TOP6BL: variants seen among roughly 807,000 people sequenced by gnomAD.
TOP6BL encodes TOP6B like initiator of meiotic double strand breaks, also known as type 2 DNA topoisomerase 6 subunit B-like.
chr11:66,747,525 T>G, the TOP6BL span, among the ~76,000 whole-genome samples: 24 of 149,426 alleles, frequency 1.6e-4, no homozygotes, highest in Non-Finnish European at 1.0e-4. Context: ...ACGTACCTTA[T>G]TTGTTTACTT....
chr11:66,752,142 C>CTT, the TOP6BL span, among the ~76,000 whole-genome samples: 164 of 137,890 alleles, frequency 1.2e-3, no homozygotes, highest in African/African-American at 3.6e-3. Flanking sequence ...CCCTCTCTCT[C>CTT]TTTTTTTTTT....
At chr11:66,833,890 G>A in the TOP6BL span, among the ~76,000 whole-genome samples, 1 of 151,970 alleles carries the variant, frequency 6.6e-6, no homozygotes, top group African/African-American at 2.4e-5. Context: ...GGAGGTTGCA[G>A]TGAGCCAAGA....
the TOP6BL span, chr11:66,843,335 G>T: frequency 6.7e-7 from 1 of 1,490,252 alleles, no homozygotes; most frequent in South Asian, 1.3e-5. Flanking sequence ...GTCCTCTTCC[G>T]CGTCTGCTTC....
the TOP6BL span, among the ~76,000 whole-genome samples, chr11:66,823,210 C>G: frequency 4.0e-5 from 6 of 148,290 alleles, no homozygotes; most frequent in African/African-American, 1.5e-4. Flanking sequence ...AGGAGAATTG[C>G]TGGAACCCAG....
At chr11:66,790,728 G>T in the TOP6BL span, among the ~76,000 whole-genome samples, 1 of 152,198 alleles carries the variant, frequency 6.6e-6, no homozygotes, top group Admixed American at 6.5e-5. Flanking sequence ...GTTCCAAGCC[G>T]TGGCCATGGA....
chr11:66,825,214 CCTGTA>C, the TOP6BL span, among the ~76,000 whole-genome samples: 1 of 151,024 alleles, frequency 6.6e-6, no homozygotes, highest in East Asian at 2.0e-4. Context: ...GTGGCTCATG[CCTGTA>C]AGTAATGTCA....
At chr11:66,768,974 G>T in the TOP6BL span, among the ~76,000 whole-genome samples, 1 of 152,158 alleles carries the variant, frequency 6.6e-6, no homozygotes, top group African/African-American at 2.4e-5. Flanking sequence ...TACCTGGCTG[G>T]CTTAAAATGC....
chr11:66,784,758 A>G, the TOP6BL span, among the ~76,000 whole-genome samples: 1 of 152,140 alleles, frequency 6.6e-6, no homozygotes, highest in African/African-American at 2.4e-5. Context: ...TGGTTAAGCC[A>G]TTCATCATTT....
At chr11:66,777,719 G>A in the TOP6BL span, among the ~76,000 whole-genome samples, 3 of 151,832 alleles carry the variant, frequency 2.0e-5, no homozygotes, top group South Asian at 2.1e-4. Context: ...GTGAAACCCC[G>A]TCTCTACTAA....
At chr11:66,770,059 T>G in the TOP6BL span, among the ~76,000 whole-genome samples, 1 of 151,980 alleles carries the variant, frequency 6.6e-6, no homozygotes, top group Non-Finnish European at 1.5e-5. Context: ...ATTAGCAGTT[T>G]TATAAGAAGA....
chr11:66,834,884 A>T, the TOP6BL span, among the ~76,000 whole-genome samples: 1 of 152,128 alleles, frequency 6.6e-6, no homozygotes, highest in South Asian at 2.1e-4. Flanking sequence ...TTGAACAGAG[A>T]CAGTGGGCCA....
At chr11:66,744,993 TGGGCAGAGG>T in the TOP6BL span, 1 of 1,226,918 alleles carries the variant, frequency 8.2e-7, no homozygotes, top group South Asian at 4.1e-5. Context: ...CCGCGAAGTT[TGGGCAGAGG>T]GGTCGGGCGT....
chr11:66,797,554 G>A, the TOP6BL span, among the ~76,000 whole-genome samples: 1 of 151,768 alleles, frequency 6.6e-6, no homozygotes. Flanking sequence ...ACCCACGCTG[G>A]AGTGCAGTGA....
chr11:66,795,180 A>G, the TOP6BL span, among the ~76,000 whole-genome samples: 1 of 151,916 alleles, frequency 6.6e-6, no homozygotes, highest in Admixed American at 6.6e-5. Flanking sequence ...TGTAATACCT[A>G]CCTTACAGGA....
chr11:66,765,577 G>GT, the TOP6BL span, among the ~76,000 whole-genome samples: 13 of 152,270 alleles, frequency 8.5e-5, 1 homozygote, highest in African/African-American at 3.1e-4. Context: ...GTGCAGTGGC[G>GT]TGATCTTGGC....
the TOP6BL span, among the ~76,000 whole-genome samples, chr11:66,836,268 G>A: frequency 1.3e-5 from 2 of 152,052 alleles, no homozygotes; most frequent in Non-Finnish European, 2.9e-5. Flanking sequence ...CCAGGCTGGA[G>A]TGCAGTGGCG....
chr11:66,802,127 G>A, the TOP6BL span, among the ~76,000 whole-genome samples: 1 of 151,802 alleles, frequency 6.6e-6, no homozygotes, highest in Non-Finnish European at 1.5e-5. Context: ...GTAGCTAGTA[G>A]CTAGGACCAC....
chr11:66,837,369 C>T, the TOP6BL span, among the ~76,000 whole-genome samples: 5 of 151,066 alleles, frequency 3.3e-5, no homozygotes, highest in East Asian at 7.9e-4. Flanking sequence ...CGTCATGATC[C>T]GCCTGCCTCG....
the TOP6BL span, chr11:66,788,107 T>G: frequency 7.7e-7 from 1 of 1,297,262 alleles, no homozygotes; most frequent in Non-Finnish European, 1.1e-6. Flanking sequence ...CCAGAAATCC[T>G]GGTTCTTATC....
Sources: gnomAD v4.1 joint callset for allele counts (sites outside exome capture counted in the v4.1 genomes callset) on GRCh38, gnomAD v4.1.1 for gene constraint, MANE v1.5 for transcripts, NCBI Gene and HGNC (gene_info 2026-07-23, HGNC 2026-07-21) for gene names.